PTER: variants seen among roughly 807,000 people sequenced by gnomAD.
The protein encoded by PTER is N-acetyltaurine hydrolase.
PTER carries 38 observed loss-of-function variants against 29.6 expected under a neutral mutation model. The ratio of observed to expected loss-of-function variants is 1.28; its 90% confidence interval spans 0.99 to 1.68. The LOEUF (loss-of-function observed/expected upper bound fraction) is 1.68. PTER is among the 40% of genes most tolerant of loss of function. The pLI is 0.00. For missense variants in PTER, 482 were observed against 427.8 expected (o/e 1.13, Z -1.12); for synonymous variants, 172 against 154.5 (o/e 1.11, Z -0.84).
chr10:16,452,964 G>T (rs1834268651), intron 1 of PTER, among the ~76,000 whole-genome samples: 1 of 152,020 alleles, frequency 6.6e-6, no homozygotes, highest in Non-Finnish European at 1.5e-5. Flanking sequence ...TGCCCAGGCT[G>T]GTCTCAAACT....
chr10:16,454,143 G>A (rs1834308851), intron 1 of PTER, among the ~76,000 whole-genome samples: 1 of 152,168 alleles, frequency 6.6e-6, no homozygotes, highest in South Asian at 2.1e-4. Flanking sequence ...CAGTGAAATA[G>A]CATCCACTTT....
chr10:16,508,908 A>T (rs891744408), intron 4 of PTER, among the ~76,000 whole-genome samples: 1 of 152,160 alleles, frequency 6.6e-6, no homozygotes, highest in African/African-American at 2.4e-5. Flanking sequence ...GAGCCATCGT[A>T]GTCTTAAACC....
At chr10:16,440,180 A>C (rs1416331642) in intron 1 of PTER, among the ~76,000 whole-genome samples, 2 of 149,568 alleles carry the variant, frequency 1.3e-5, no homozygotes, top group Non-Finnish European at 3.0e-5. Flanking sequence ...ATTCTCCTGC[A>C]TCAGCCTCCC....
chr10:16,518,536 C>T (rs6602131), downstream of PTER, among the ~76,000 whole-genome samples: 19,708 of 152,134 alleles, frequency 0.13, 1,705 homozygotes, highest in African/African-American at 0.23. Flanking sequence ...AAAAACAAAA[C>T]GCACATAGAA....
chr10:16,478,504 T>G (rs753378295), intron 1 of PTER, among the ~76,000 whole-genome samples: 3 of 152,094 alleles, frequency 2.0e-5, no homozygotes, highest in Non-Finnish European at 4.4e-5. Flanking sequence ...TGACTAATTT[T>G]TGTATTTTTA....
chr10:16,508,766 T>C (rs1002756706), intron 4 of PTER, among the ~76,000 whole-genome samples: 3 of 152,198 alleles, frequency 2.0e-5, no homozygotes, highest in African/African-American at 7.2e-5. Context: ...AATTAAACCA[T>C]GCATTCTCGC....
At chr10:16,442,886 C>T (rs1156672340) in intron 1 of PTER, among the ~76,000 whole-genome samples, 2 of 152,184 alleles carry the variant, frequency 1.3e-5, no homozygotes, top group East Asian at 1.9e-4. Context: ...GCAGGAGAAT[C>T]GCCTGAACCC....
chr10:16,500,141 T>G (rs1213708866), intron 3 of PTER, among the ~76,000 whole-genome samples: 1 of 152,202 alleles, frequency 6.6e-6, no homozygotes, highest in Non-Finnish European at 1.5e-5. Context: ...ATGAAATTTT[T>G]AAGAGCATTT....
chr10:16,495,646 A>C (rs1452237770), intron 3 of PTER, among the ~76,000 whole-genome samples: 2 of 152,210 alleles, frequency 1.3e-5, no homozygotes, highest in East Asian at 3.8e-4. Flanking sequence ...TATGATGCAT[A>C]AATTCAGATG....
At chr10:16,469,702 G>A (rs1387388003) in intron 1 of PTER, among the ~76,000 whole-genome samples, 2 of 152,042 alleles carry the variant, frequency 1.3e-5, no homozygotes, top group Non-Finnish European at 2.9e-5. Flanking sequence ...AGCCTCCTGT[G>A]TAGGTGGGAC....
chr10:16,496,958 G>A (rs1395036765), intron 3 of PTER, among the ~76,000 whole-genome samples: 2 of 132,422 alleles, frequency 1.5e-5, no homozygotes, highest in African/African-American at 5.9e-5. Flanking sequence ...TTTTTGAGAT[G>A]AAATCTCACA....
intron 1 of PTER, among the ~76,000 whole-genome samples, chr10:16,446,470 G>A (rs997062334): frequency 2.6e-5 from 4 of 152,030 alleles, no homozygotes; most frequent in Non-Finnish European, 4.4e-5. Flanking sequence ...TTCCTCTCAA[G>A]TGTTATCTTT....
chr10:16,466,301 T>C (rs1588599210), intron 1 of PTER, among the ~76,000 whole-genome samples: 1 of 31,550 alleles, frequency 3.2e-5, no homozygotes. Flanking sequence ...TATAACTACC[T>C]TTTTTTTTTT....
At chr10:16,514,443 C>G, downstream of PTER, 1 of 1,172,574 alleles carries the variant, frequency 8.5e-7, no homozygotes. Context: ...CTGCCATTGG[C>G]ATCCCCTGGG....
intron 1 of PTER, among the ~76,000 whole-genome samples, chr10:16,443,640 T>C (rs1399408312): frequency 6.6e-6 from 1 of 152,188 alleles, no homozygotes; most frequent in Non-Finnish European, 1.5e-5. Flanking sequence ...GAAGCAACAT[T>C]ATTAAATGAC....
chr10:16,513,836 C>CT (rs1312439434), downstream of PTER: 1 of 152,818 alleles, frequency 6.5e-6, no homozygotes, highest in African/African-American at 2.4e-5. Context: ...GAGGGTAATC[C>CT]TATGATACAC....
chr10:16,462,634 A>T (rs1214274503), intron 1 of PTER, among the ~76,000 whole-genome samples: 1 of 147,972 alleles, frequency 6.8e-6, no homozygotes, highest in Non-Finnish European at 1.5e-5. Context: ...GCAGTGATGC[A>T]ATCTTAGCGC....
chr10:16,514,831 A>C, downstream of PTER: 1 of 687,356 alleles, frequency 1.5e-6, no homozygotes, highest in Non-Finnish European at 2.4e-6. Flanking sequence ...AGCAAAGTCC[A>C]TGTTGACCTC....
At chr10:16,459,723 G>GTTATTTATTTAT (rs749526667) in intron 1 of PTER, among the ~76,000 whole-genome samples, 2 of 150,872 alleles carry the variant, frequency 1.3e-5, no homozygotes, top group South Asian at 2.1e-4. Flanking sequence ...ATATTTCAGA[G>GTTATTTATTTAT]TTATTTATTT....
Sources: gnomAD v4.1 joint callset for allele counts (sites outside exome capture counted in the v4.1 genomes callset) on GRCh38, gnomAD v4.1.1 for gene constraint, MANE v1.5 for transcripts, NCBI Gene and HGNC (gene_info 2026-07-23, HGNC 2026-07-21) for gene names.